The following ADAMTSL1 variants were observed in gnomAD, a reference collection of about 807,000 sequenced individuals.
ADAMTSL1 encodes ADAMTS like 1.
A neutral mutation model predicts 201.8 loss-of-function variants in ADAMTSL1; 126 were observed. That is an observed-to-expected ratio of 0.62 (90% CI 0.54 to 0.72). The LOEUF (loss-of-function observed/expected upper bound fraction) is 0.72, where lower values mean the gene tolerates loss of function less well. Among genes scored for constraint, ADAMTSL1 ranks in the 30% least tolerant of loss-of-function variants. ADAMTSL1 has a pLI of 0.00. For synonymous variants in ADAMTSL1, 1,121 were observed against 903.4 expected, an observed-to-expected ratio of 1.24 and a Z score of -4.32; for missense variants, 2,679 against 2,277.8, an observed-to-expected ratio of 1.18 and a Z score of -3.59.
At chr9:18,320,782 T>A (rs114588583) in intron 2 of ADAMTSL1, among the ~76,000 whole-genome samples, 1 of 152,266 alleles carries the variant, frequency 6.6e-6, no homozygotes, top group African/African-American at 2.4e-5. Context: ...TAATATTAAT[T>A]CTAAATAAAC....
At chr9:18,572,576 A>T (rs1055287017) in intron 3 of ADAMTSL1, among the ~76,000 whole-genome samples, 1 of 152,152 alleles carries the variant, frequency 6.6e-6, no homozygotes, top group Non-Finnish European at 1.5e-5. Flanking sequence ...TTGACATTTT[A>T]TATTGTATTT....
chr9:18,737,319 C>CAAAAAAAAAAAAAAAAAAAAAAAAAAA (rs59511409), intron 15 of ADAMTSL1, among the ~76,000 whole-genome samples: 1 of 53,676 alleles, frequency 1.9e-5, no homozygotes, highest in Non-Finnish European at 3.3e-5. Context: ...AACTCTGTCT[C>CAAAAAAAAAAAAAAAAAAAAAAAAAAA]AAAAAAAAAA....
intron 2 of ADAMTSL1, among the ~76,000 whole-genome samples, chr9:18,325,895 T>C (rs918185465): frequency 6.6e-6 from 1 of 152,086 alleles, no homozygotes; most frequent in African/African-American, 2.4e-5. Context: ...CATGCACCAC[T>C]ACGCCTGGCT....
chr9:18,892,749 C>T (rs1246208558), intron 26 of ADAMTSL1, among the ~76,000 whole-genome samples, 153 bp downstream of exon 26: 1 of 152,194 alleles, frequency 6.6e-6, no homozygotes, highest in African/African-American at 2.4e-5. Flanking sequence ...CCAGCTGAGA[C>T]ACCCCCAGAG....
intron 7 of ADAMTSL1, among the ~76,000 whole-genome samples, chr9:18,647,602 G>A (rs572742439): frequency 4.0e-4 from 61 of 151,984 alleles, no homozygotes; most frequent in Admixed American, 4.0e-3. Context: ...GTTCTCGTTG[G>A]TTTCAAAGAA....
intron 1 of ADAMTSL1, among the ~76,000 whole-genome samples, chr9:18,094,709 C>A (rs996659037): frequency 1.3e-5 from 2 of 151,850 alleles, no homozygotes; most frequent in East Asian, 3.9e-4. Context: ...TACAGGTGCA[C>A]GCCACCATGC....
At chr9:18,413,446 T>G (rs1356014026) in intron 2 of ADAMTSL1, among the ~76,000 whole-genome samples, 1 of 152,216 alleles carries the variant, frequency 6.6e-6, no homozygotes, top group Non-Finnish European at 1.5e-5. Flanking sequence ...ATAACAGGTG[T>G]GGGCCACCAT....
intron 16 of ADAMTSL1, among the ~76,000 whole-genome samples, chr9:18,760,613 T>C (rs1483702396): frequency 6.6e-6 from 1 of 152,218 alleles, no homozygotes; most frequent in Admixed American, 6.5e-5. Context: ...TGGATCATGT[T>C]ACCCCCTACT....
chr9:18,097,608 C>G (rs73645715), intron 1 of ADAMTSL1, among the ~76,000 whole-genome samples: 6,286 of 152,264 alleles, frequency 0.041, 391 homozygotes, highest in African/African-American at 0.13. Flanking sequence ...TTTCATCAAT[C>G]TAATGCATGT....
chr9:18,602,188 G>A (rs189061897), intron 4 of ADAMTSL1, among the ~76,000 whole-genome samples: 1 of 152,236 alleles, frequency 6.6e-6, no homozygotes. Context: ...ACAATGAATT[G>A]CATCTTTTAT....
chr9:18,114,878 A>T (rs796754020), intron 1 of ADAMTSL1, among the ~76,000 whole-genome samples: 1 of 152,230 alleles, frequency 6.6e-6, no homozygotes, highest in African/African-American at 2.4e-5. Context: ...CAAGGTGGAG[A>T]CAATTCTTTC....
At chr9:18,134,176 G>A (rs898314166) in intron 1 of ADAMTSL1, among the ~76,000 whole-genome samples, 1 of 152,142 alleles carries the variant, frequency 6.6e-6, no homozygotes, top group Non-Finnish European at 1.5e-5. Context: ...ATGGAAGTAT[G>A]CACTCATAGT....
At chr9:18,715,305 T>C (rs1283599682) in intron 14 of ADAMTSL1, among the ~76,000 whole-genome samples, 1 of 151,950 alleles carries the variant, frequency 6.6e-6, no homozygotes, top group African/African-American at 2.4e-5. Flanking sequence ...ATTATCCCTG[T>C]TTGAAGATGA....
intron 2 of ADAMTSL1, among the ~76,000 whole-genome samples, chr9:18,410,559 T>C (rs1023504028): frequency 4.6e-5 from 7 of 152,206 alleles, no homozygotes; most frequent in Non-Finnish European, 4.4e-5. Flanking sequence ...ATGATCTCAT[T>C]CCTTTTTATG....
chr9:18,330,181 G>A (rs1277530625), intron 2 of ADAMTSL1, among the ~76,000 whole-genome samples: 1 of 152,130 alleles, frequency 6.6e-6, no homozygotes, highest in Non-Finnish European at 1.5e-5. Context: ...ATCTTGCAAG[G>A]TAGTTTGGAG....
chr9:18,290,769 C>CTTTTTTTTTT lies in ADAMTSL1; in HGVS notation c.207+126795_207+126796insTTTTTTTTTT. ...GTAAGGGCTCAGGGTTGAAAGCTGG[C>CTTTTTTTTTT]TTTTTTTGTGTGTTTTTTTTTTTTT... On this transcript the variant is annotated intron_variant, in intron 2 of 29. Transcript: ENST00000680146. Among the ~76,000 whole-genome samples, 4 of 82,754 alleles carry CTTTTTTTTTT rather than the reference C, an allele frequency of 4.8e-5. No homozygotes were observed. The South Asian group carries it at 2.1e-3, about 44-fold the overall frequency. The allele number at this position is 82,754 out of a possible 152,430, so 54.3% of individuals were successfully genotyped here. A position where few individuals can be genotyped will look rare whatever the true frequency, so the allele number is the denominator to read the frequency against.
intron 15 of ADAMTSL1, among the ~76,000 whole-genome samples, chr9:18,741,707 C>A (rs1359271070): frequency 1.3e-5 from 2 of 152,212 alleles, no homozygotes; most frequent in African/African-American, 4.8e-5. Flanking sequence ...GCCTTCCTTG[C>A]CTCTTCCTAT....
At chr9:18,448,032 T>A (rs1443945823) in intron 2 of ADAMTSL1, among the ~76,000 whole-genome samples, 1 of 145,264 alleles carries the variant, frequency 6.9e-6, no homozygotes, top group Non-Finnish European at 1.5e-5. Context: ...GCTCTTTCTC[T>A]CTCTCTCTCT....
At chr9:17,942,546 G>T (rs748522552) in intron 1 of ADAMTSL1, among the ~76,000 whole-genome samples, 4 of 152,150 alleles carry the variant, frequency 2.6e-5, no homozygotes, top group Admixed American at 6.5e-5. Flanking sequence ...AAAATGATTG[G>T]ATGATGCTCA....
Sources: allele counts gnomAD v4.1 joint callset (sites outside exome capture counted in the v4.1 genomes callset), GRCh38; gene constraint gnomAD v4.1.1; transcripts MANE v1.5; gene names NCBI Gene and HGNC (gene_info 2026-07-23, HGNC 2026-07-21).